BCAR3: variants seen among roughly 807,000 people sequenced by gnomAD.
BCAR3 encodes breast cancer anti-estrogen resistance protein 3.
BCAR3 carries 37 observed loss-of-function variants against 80.1 expected under a neutral mutation model. The ratio of observed to expected loss-of-function variants is 0.46; its 90% CI spans 0.36 to 0.61. The LOEUF (loss-of-function observed/expected upper bound fraction) is 0.61, where lower values mean the gene tolerates loss of function less well. Among genes scored for constraint, BCAR3 ranks in the 20% least tolerant of loss-of-function variants. The probability of loss-of-function intolerance (pLI) is 0.00; values close to 1 mark genes in which losing one functional copy is unlikely to be tolerated. For synonymous variants in BCAR3, 389 were observed against 418.9 expected (o/e 0.93, Z 0.87); for missense variants, 978 against 1,068.2 (o/e 0.92, Z 1.18).
At chr1:93,764,309 G>A (rs1652063367) in intron 2 of BCAR3, among the ~76,000 whole-genome samples, 1 of 151,810 alleles carries the variant, frequency 6.6e-6, no homozygotes, top group Non-Finnish European at 1.5e-5. Flanking sequence ...TGTCCCATAG[G>A]CCCCTCCCAT....
At chr1:93,842,134 G>C (rs1346926484) in intron 2 of BCAR3, among the ~76,000 whole-genome samples, 1 of 144,414 alleles carries the variant, frequency 6.9e-6, no homozygotes, top group Non-Finnish European at 1.5e-5. Flanking sequence ...ACAGCTGTTT[G>C]TGTACCTGTC....
At chr1:93,724,371 G>C (rs2100674282) in intron 2 of BCAR3, among the ~76,000 whole-genome samples, 1 of 152,308 alleles carries the variant, frequency 6.6e-6, no homozygotes, top group South Asian at 2.1e-4. Context: ...TTCTGCTGCT[G>C]GGGCAGCCCT....
chr1:93,618,714 T>C lies in BCAR3; in HGVS notation c.357+23590A>G, dbSNP rs142686117. Reference sequence around the variant, plus strand: ...AAAGAAAGAAAAGAAAAAGAAAGAATACATACAGGACATAATCCCAAGCTC... The same window carrying C: ...AAAGAAAGAAAAGAAAAAGAAAGAACACATACAGGACATAATCCCAAGCTC... On this transcript the variant is annotated intron_variant, in intron 3 of 11. Coordinates refer to ENST00000260502, the MANE Select transcript of BCAR3 (RefSeq NM_003567.4). 1.6e-3 allele frequency among the ~76,000 whole-genome samples: 240 copies of C among 152,250 alleles called. 1 individual carries two copies. Among genetic ancestry groups the C allele is most frequent in the African/African-American group, 5.0e-3 (206 of 41,546 alleles).
chr1:93,838,246 C>T (rs1654839489), intron 2 of BCAR3, among the ~76,000 whole-genome samples: 1 of 152,248 alleles, frequency 6.6e-6, no homozygotes, highest in Admixed American at 6.5e-5. Context: ...CCCGCAAGGG[C>T]TTTTGTGCTG....
At chr1:93,813,470 A>C (rs1653918962) in intron 2 of BCAR3, among the ~76,000 whole-genome samples, 1 of 152,144 alleles carries the variant, frequency 6.6e-6, no homozygotes, top group Non-Finnish European at 1.5e-5. Flanking sequence ...TCTCTCTCTC[A>C]TTCACTTTTA....
At chr1:93,770,927 G>T (rs548258005) in intron 2 of BCAR3, among the ~76,000 whole-genome samples, 116 of 152,182 alleles carry the variant, frequency 7.6e-4, no homozygotes, top group Non-Finnish European at 1.5e-3. Context: ...CCCAGTCCCG[G>T]CTCTCAGTGG....
chr1:93,636,986 C>G (rs1354614095), intron 3 of BCAR3, among the ~76,000 whole-genome samples: 1 of 151,850 alleles, frequency 6.6e-6, no homozygotes, highest in Non-Finnish European at 1.5e-5. Flanking sequence ...TCCCAGTTAC[C>G]TGAGGGGGCT....
chr1:93,808,822 T>C (rs1424482919), intron 2 of BCAR3, among the ~76,000 whole-genome samples: 1 of 152,234 alleles, frequency 6.6e-6, no homozygotes, highest in Admixed American at 6.5e-5. Context: ...TCCAGAAATA[T>C]TCTCTATTGG....
chr1:93,628,374 G>C (rs1468929163), intron 3 of BCAR3, among the ~76,000 whole-genome samples: 2 of 152,178 alleles, frequency 1.3e-5, no homozygotes, highest in African/African-American at 4.8e-5. Flanking sequence ...CAGTCTAGCA[G>C]CAACACAGAA....
chr1:93,753,150 C>T (rs1163840020), intron 2 of BCAR3: 1 of 152,214 alleles, frequency 6.6e-6, no homozygotes, highest in Admixed American at 6.5e-5. Context: ...AGTCTTGTCT[C>T]TACCTACTGT....
chr1:93,625,380 T>G (rs1037278199), intron 3 of BCAR3, among the ~76,000 whole-genome samples: 2 of 152,112 alleles, frequency 1.3e-5, no homozygotes, highest in African/African-American at 4.8e-5. Context: ...AAGGCTTTCA[T>G]GTAGAGACCA....
intron 2 of BCAR3, among the ~76,000 whole-genome samples, chr1:93,658,331 AAG>A (rs1441326855): frequency 1.3e-5 from 2 of 152,200 alleles, no homozygotes; most frequent in African/African-American, 4.8e-5. Context: ...CTGGAAAAGA[AAG>A]AACAAAACTG....
At position 93,667,179 on chromosome 1, in the gene BCAR3, C is replaced by T. The variant is rs192994848; in HGVS notation, c.317+7435G>A. 2.6e-3 allele frequency among the ~76,000 whole-genome samples: 389 copies of T among 152,348 alleles called. 1 individual carries two copies. The highest frequency in any genetic ancestry group is 4.3e-3 in the Non-Finnish European group (290 of 68,044). ...CTTTCTTTGATAGCCACGGCTACGTCGACATCCCAGCAAGGGCCTCAGTGG... is the reference window on the plus strand; with the variant it reads ...CTTTCTTTGATAGCCACGGCTACGTTGACATCCCAGCAAGGGCCTCAGTGG... On this transcript the variant is annotated intron_variant, in intron 2 of 11. Transcript: ENST00000260502.
chr1:93,803,477 G>GA (rs879594516), intron 2 of BCAR3, among the ~76,000 whole-genome samples: 2 of 152,190 alleles, frequency 1.3e-5, no homozygotes, highest in East Asian at 3.9e-4. Flanking sequence ...AAATATCTCA[G>GA]AAAAAAGTGA....
intron 2 of BCAR3, among the ~76,000 whole-genome samples, chr1:93,790,739 G>A (rs1212126239): frequency 8.7e-6 from 1 of 114,442 alleles, no homozygotes. Context: ...TGCCATGCTG[G>A]TGTGCTGCAC....
intron 2 of BCAR3, among the ~76,000 whole-genome samples, chr1:93,831,262 T>C (rs1369553427): frequency 6.6e-6 from 1 of 152,124 alleles, no homozygotes; most frequent in East Asian, 1.9e-4. Flanking sequence ...ACCTTTCTCT[T>C]TAAACTTACC....
chr1:93,752,629 A>AT (rs1267687616), intron 2 of BCAR3, among the ~76,000 whole-genome samples: 4 of 152,216 alleles, frequency 2.6e-5, no homozygotes, highest in African/African-American at 9.6e-5. Flanking sequence ...TCTCATTTGC[A>AT]TTTGGACGCA....
upstream of BCAR3, chr1:93,681,874 T>C (rs1648793961): frequency 6.6e-6 from 1 of 152,114 alleles, no homozygotes; most frequent in South Asian, 2.1e-4. Context: ...CAACTGGTGA[T>C]TTGCGGCTCC....
chr1:93,817,928 A>T (rs1276843690), intron 2 of BCAR3, among the ~76,000 whole-genome samples: 1 of 151,856 alleles, frequency 6.6e-6, no homozygotes, highest in African/African-American at 2.4e-5. Context: ...TGGCTCTGCC[A>T]GTCCCAAGGA....
Sources: gnomAD v4.1 joint callset for allele counts (sites outside exome capture counted in the v4.1 genomes callset) on GRCh38, gnomAD v4.1.1 for gene constraint, MANE v1.5 for transcripts, NCBI Gene and HGNC (gene_info 2026-07-23, HGNC 2026-07-21) for gene names.